The following NLK variants were observed in gnomAD, a reference collection of about 807,000 sequenced individuals.
The protein encoded by NLK is nemo like kinase, also known as serine/threonine-protein kinase NLK.
NLK carries 11 observed loss-of-function variants against 59.0 expected under a neutral mutation model. The ratio of observed to expected loss-of-function variants is 0.19; its 90% CI spans 0.12 to 0.31. NLK has a LOEUF of 0.31. Ranked by LOEUF, NLK falls within the 10% of genes least tolerant of loss-of-function variation. The pLI is 1.00. For synonymous variants in NLK, 235 were observed against 235.9 expected, an observed-to-expected ratio of 1.00 and a Z score of 0.03; for missense variants, 410 against 661.1, an observed-to-expected ratio of 0.62 and a Z score of 4.16.
At chr17:28,127,903 C>T (rs1321314472) in intron 2 of NLK, among the ~76,000 whole-genome samples, 1 of 151,796 alleles carries the variant, frequency 6.6e-6, no homozygotes, top group African/African-American at 2.4e-5. Context: ...GATATGGAGC[C>T]AGAACAAGGA....
intron 1 of NLK, among the ~76,000 whole-genome samples, chr17:28,056,676 A>C (rs1408571339): frequency 2.6e-5 from 4 of 152,192 alleles, no homozygotes; most frequent in Admixed American, 6.5e-5. Flanking sequence ...CAGTCTTTTC[A>C]TGTTATATGT....
chr17:28,202,886 G>T, the NLK span, among the ~76,000 whole-genome samples: 1 of 151,468 alleles, frequency 6.6e-6, no homozygotes. Context: ...GTTTCGCCAT[G>T]TTGGCCAGGC....
chr17:28,188,066 G>C (rs1313785332), intron 8 of NLK, among the ~76,000 whole-genome samples: 1 of 152,082 alleles, frequency 6.6e-6, no homozygotes, highest in Non-Finnish European at 1.5e-5. Context: ...AGCTGGGCGT[G>C]GTAGCACATG....
At chr17:28,087,505 A>G (rs1910555095) in intron 1 of NLK, among the ~76,000 whole-genome samples, 1 of 152,220 alleles carries the variant, frequency 6.6e-6, no homozygotes, top group Non-Finnish European at 1.5e-5. Flanking sequence ...GAAGATCATT[A>G]TCTCGCCAAT....
At chr17:28,198,839 C>T (rs140455038), downstream of NLK, among the ~76,000 whole-genome samples, 56 of 152,276 alleles carry the variant, frequency 3.7e-4, no homozygotes, top group Non-Finnish European at 5.9e-4. Context: ...TGCATCTCAC[C>T]ACTGTCAGGT....
In NLK at chr17:28,172,623, G is replaced by A. The variant is rs966215893; in HGVS notation, c.1149+5G>A. 1.3e-6 allele frequency: 2 copies of A among 1,494,380 alleles called. No homozygotes were observed. Among genetic ancestry groups the A allele is most frequent in the East Asian group, 5.0e-5 (2 of 39,650 alleles). 92.6% of individuals were successfully genotyped at this position (1,494,380 alleles called of 1,614,324 possible). A position where few individuals can be genotyped will look rare whatever the true frequency, so the allele number is the denominator to read the frequency against. ...CTCAGGGGTCCTCATAAACAGGTGA[G>A]AGGAGGGGGGAATCTTTTTCTGGTA... On this transcript the variant is annotated splice_donor_5th_base_variant and intron_variant, in intron 7 of 10. Coordinates refer to ENST00000407008, the MANE Select transcript of NLK (RefSeq NM_016231.5).
At chr17:28,145,430 C>T (rs920943632) in intron 3 of NLK, among the ~76,000 whole-genome samples, 4 of 152,142 alleles carry the variant, frequency 2.6e-5, no homozygotes, top group Non-Finnish European at 4.4e-5. Context: ...TCAGAGGTCT[C>T]ACAGAAACTA....
At chr17:28,093,773 A>G (rs141709945) in intron 1 of NLK, among the ~76,000 whole-genome samples, 61 of 152,302 alleles carry the variant, frequency 4.0e-4, no homozygotes, top group African/African-American at 1.1e-3. Context: ...GAAGATAACA[A>G]TTCTTCCCAT....
At chr17:28,180,278 T>G (rs1331487191) in intron 7 of NLK, among the ~76,000 whole-genome samples, 1 of 152,216 alleles carries the variant, frequency 6.6e-6, no homozygotes, top group Non-Finnish European at 1.5e-5. Flanking sequence ...TCACTCATTT[T>G]ATTTTCTTCA....
chr17:28,119,529 G>C (rs1182953996), intron 1 of NLK, among the ~76,000 whole-genome samples: 3 of 152,112 alleles, frequency 2.0e-5, no homozygotes, highest in Non-Finnish European at 2.9e-5. Flanking sequence ...GAGGCCTTTG[G>C]AAAGGGCACT....
intron 7 of NLK, among the ~76,000 whole-genome samples, chr17:28,181,263 G>A (rs1671922126): frequency 1.3e-5 from 2 of 152,246 alleles, no homozygotes; most frequent in South Asian, 2.1e-4. Context: ...AGCCACGCGT[G>A]TGGCAGGTGC....
At chr17:28,121,148 C>T (rs1228717464) in intron 1 of NLK, among the ~76,000 whole-genome samples, 1 of 151,848 alleles carries the variant, frequency 6.6e-6, no homozygotes. Flanking sequence ...AACTCCTGGT[C>T]TCAGGCAGTC....
intron 3 of NLK, among the ~76,000 whole-genome samples, chr17:28,152,757 G>A (rs934945457): frequency 5.3e-5 from 8 of 151,914 alleles, no homozygotes; most frequent in African/African-American, 7.2e-5. Context: ...CCTAGTAGCC[G>A]GGACTACAGG....
chr17:28,166,347 C>T (rs1026271539), intron 5 of NLK, among the ~76,000 whole-genome samples: 1 of 152,150 alleles, frequency 6.6e-6, no homozygotes, highest in African/African-American at 2.4e-5. Flanking sequence ...TGGCTTCATA[C>T]TGATTCATTC....
At chr17:28,121,454 G>A (rs979381851) in intron 1 of NLK, among the ~76,000 whole-genome samples, 5 of 144,666 alleles carry the variant, frequency 3.5e-5, no homozygotes, top group Non-Finnish European at 6.0e-5. Flanking sequence ...CCAATTGGCC[G>A]TGTATACTCA....
intron 1 of NLK, among the ~76,000 whole-genome samples, chr17:28,053,557 A>G: frequency 6.6e-6 from 1 of 152,132 alleles, no homozygotes; most frequent in East Asian, 1.9e-4. Flanking sequence ...TTTCAATTTA[A>G]GTAGTATAGA....
At chr17:28,161,111 G>C in intron 3 of NLK, 49 bp from the exon 4 acceptor site, 2 of 975,550 alleles carry the variant, frequency 2.1e-6, no homozygotes, top group South Asian at 2.6e-5. Context: ...CCACTTTGAG[G>C]GGGTAGGGGA....
At chr17:28,103,892 T>G (rs1035195064) in intron 1 of NLK, among the ~76,000 whole-genome samples, 1 of 152,226 alleles carries the variant, frequency 6.6e-6, no homozygotes, top group Non-Finnish European at 1.5e-5. Context: ...CTCACTCTAT[T>G]TCTGTTGTTG....
At chr17:28,047,606 T>C (rs1299089411) in intron 1 of NLK, among the ~76,000 whole-genome samples, 1 of 152,226 alleles carries the variant, frequency 6.6e-6, no homozygotes, top group Non-Finnish European at 1.5e-5. Flanking sequence ...AGATTCACTT[T>C]GCTTATGTTT....
Sources: allele counts gnomAD v4.1 joint callset (sites outside exome capture counted in the v4.1 genomes callset), GRCh38; gene constraint gnomAD v4.1.1; transcripts MANE v1.5; gene names NCBI Gene and HGNC (gene_info 2026-07-23, HGNC 2026-07-21).